Variants in NOC3L observed in about 807,000 individuals in gnomAD.
The protein encoded by NOC3L is nucleolar complex protein 3 homolog.
Under a neutral mutation model 102.5 loss-of-function variants are expected in NOC3L, and 85 were observed. The observed-to-expected ratio is 0.83, with a 90% CI of 0.70 to 0.99. NOC3L has a LOEUF of 0.99. Ranked by LOEUF, NOC3L falls within the 50% of genes least tolerant of loss-of-function variation. The pLI, the probability that NOC3L is intolerant of heterozygous loss-of-function variation, is 0.00. For synonymous variants in NOC3L, 303 were observed against 309.4 expected (o/e 0.98, Z 0.22); for missense variants, 878 against 914.9 (o/e 0.96, Z 0.52).
downstream of NOC3L, chr10:94,330,382 C>T (rs11187876): frequency 0.31 from 46,794 of 152,026 alleles, 7,520 homozygotes; most frequent in Middle Eastern, 0.47. Flanking sequence ...CACATTGTTT[C>T]AAAATGTAAA....
intron 3 of NOC3L, 36 bp downstream of exon 3, chr10:94,358,047 T>A (rs753631074): frequency 7.2e-7 from 1 of 1,383,744 alleles, no homozygotes; most frequent in African/African-American, 1.4e-5. Context: ...TAACACTAAA[T>A]GGATATGAAT....
intron 7 of NOC3L, 59 bp downstream of exon 7, chr10:94,352,837 A>G (rs773782299): frequency 1.3e-6 from 2 of 1,485,446 alleles, no homozygotes; most frequent in East Asian, 2.3e-5. Flanking sequence ...AAAAAAGTCT[A>G]TCTCTCCAAA....
rs188661817 is a variant in NOC3L at position 94,349,775 on chromosome 10, T to C, written c.1128+338A>G. Among the ~76,000 whole-genome samples, 363 of 152,320 alleles carry C rather than the reference T, an allele frequency of 2.4e-3. 3 individuals carry two copies. The highest frequency in any genetic ancestry group is 8.4e-3 in the African/African-American group (349 of 41,588). ...TTTTTTATTCATTTATTTATTTTTT[T>C]TGAGACAGAGTCTCGCTCTATTGCC... On this transcript the variant is annotated intron_variant, in intron 9 of 20. Transcript: ENST00000371361.
chr10:94,362,517 A>G (rs1041559890), intron 1 of NOC3L, among the ~76,000 whole-genome samples: 1 of 152,184 alleles, frequency 6.6e-6, no homozygotes, highest in Non-Finnish European at 1.5e-5. Context: ...CTCACATTAT[A>G]AACTCGCTGA....
chr10:94,361,460 A>G, intron 2 of NOC3L: 1 of 543,100 alleles, frequency 1.8e-6, no homozygotes, highest in African/African-American at 1.9e-5. Context: ...AGAAGCTTGA[A>G]TGAATACTGT....
intron 10 of NOC3L, among the ~76,000 whole-genome samples, chr10:94,348,406 T>C (rs1449007751): frequency 6.6e-6 from 1 of 151,360 alleles, no homozygotes; most frequent in Non-Finnish European, 1.5e-5. Context: ...TAACAAAGAG[T>C]TAATATTCTT....
intron 11 of NOC3L, 24 bp from the exon 12 acceptor site, chr10:94,344,957 A>T: frequency 6.4e-7 from 1 of 1,563,352 alleles, no homozygotes; most frequent in Non-Finnish European, 8.7e-7. Context: ...GAAAAACAAA[A>T]ATCTAAGAGC....
In NOC3L at chr10:94,352,401, G is replaced by A; in HGVS notation, c.861C>T (p.Thr287=). Residue 287 remains threonine (T), a splice_region_variant and synonymous_variant, in exon 8 of 21, where the codon ACC becomes ACT. Transcript: ENST00000371361. The part of the protein sequence containing the change: ...PLTEAEKSTK[T]RKETQKLREF... ...CTCTTAACTTCTGGGTTTCTTTTCG[G>A]GTCTGAAAAGACCAAAAAGGTCAAT... 1 of 1,604,166 alleles carries A rather than the reference G, an allele frequency of 6.2e-7. No homozygotes were observed. The highest frequency in any genetic ancestry group is 8.5e-7 in the Non-Finnish European group (1 of 1,174,884).
At chr10:94,318,544 C>CAA in the NOC3L span, among the ~76,000 whole-genome samples, 1 of 152,210 alleles carries the variant, frequency 6.6e-6, no homozygotes, top group African/African-American at 2.4e-5. Context: ...AGAAAGAACT[C>CAA]AAGTCTATGG....
intron 19 of NOC3L, among the ~76,000 whole-genome samples, chr10:94,336,066 G>T (rs2054214039): frequency 6.6e-6 from 1 of 152,104 alleles, no homozygotes; most frequent in Admixed American, 6.6e-5. Context: ...ATATCCTACT[G>T]CTCAAGGTCA....
chr10:94,353,443 G>C (rs952211691), intron 6 of NOC3L, among the ~76,000 whole-genome samples: 25 of 152,118 alleles, frequency 1.6e-4, no homozygotes, highest in African/African-American at 1.2e-4. Flanking sequence ...GGAAAGATAG[G>C]GGAGGTTCTA....
chr10:94,321,994 C>G, the NOC3L span: 1 of 1,614,034 alleles, frequency 6.2e-7, no homozygotes, highest in Non-Finnish European at 8.5e-7. Flanking sequence ...TGATGTTTCT[C>G]CAGAGCAACC....
intron 2 of NOC3L, among the ~76,000 whole-genome samples, chr10:94,361,071 T>C (rs2054546973): frequency 6.6e-6 from 1 of 152,204 alleles, no homozygotes; most frequent in Non-Finnish European, 1.5e-5. Flanking sequence ...AGTTGTCTAA[T>C]AATCTGATAT....
intron 13 of NOC3L, among the ~76,000 whole-genome samples, chr10:94,342,566 ACAC>A (rs2054298004): frequency 2.0e-5 from 3 of 151,764 alleles, no homozygotes; most frequent in Admixed American, 6.6e-5. Context: ...ACACACACAC[ACAC>A]ACACACACAC....
chr10:94,324,984 A>G, the NOC3L span: 1 of 1,614,126 alleles, frequency 6.2e-7, no homozygotes, highest in Non-Finnish European at 8.5e-7. Context: ...GACTTACATC[A>G]CCTTCTCAGC....
intron 6 of NOC3L, among the ~76,000 whole-genome samples, chr10:94,354,594 C>T (rs1297194324): frequency 6.6e-6 from 1 of 152,126 alleles, no homozygotes; most frequent in Non-Finnish European, 1.5e-5. Context: ...CATACACTTC[C>T]CCTGTAGCGC....
the NOC3L span, chr10:94,321,959 A>C: frequency 1.2e-6 from 2 of 1,613,868 alleles, no homozygotes; most frequent in East Asian, 4.5e-5. Flanking sequence ...AGCTCAGAGG[A>C]GGAGAGTTTC....
At chr10:94,326,393 A>T in the NOC3L span, among the ~76,000 whole-genome samples, 1 of 152,206 alleles carries the variant, frequency 6.6e-6, no homozygotes, top group Non-Finnish European at 1.5e-5. Flanking sequence ...AACTCCTAAA[A>T]TAACTGATGT....
At chr10:94,361,509 T>C (rs186009987) in intron 2 of NOC3L, 156 bp downstream of exon 2, 9 of 650,506 alleles carry the variant, frequency 1.4e-5, no homozygotes, top group African/African-American at 3.6e-5. Flanking sequence ...ATAAAGCATA[T>C]ATGCTTTATA....
Sources: allele counts gnomAD v4.1 joint callset (sites outside exome capture counted in the v4.1 genomes callset), GRCh38; gene constraint gnomAD v4.1.1; transcripts MANE v1.5; gene names NCBI Gene and HGNC (gene_info 2026-07-23, HGNC 2026-07-21).